CYP4X1: variants seen among roughly 807,000 people sequenced by gnomAD.
CYP4X1 encodes cytochrome P450 family 4 subfamily X member 1.
Under a neutral mutation model 57.9 loss-of-function variants are expected in CYP4X1, and 44 were observed. The ratio of observed to expected loss-of-function variants is 0.76; its 90% CI spans 0.60 to 0.98. The LOEUF (loss-of-function observed/expected upper bound fraction) is 0.98, where lower values mean the gene tolerates loss of function less well. Among genes scored for constraint, CYP4X1 ranks in the 50% least tolerant of loss-of-function variants. CYP4X1 has a pLI of 0.00. For missense variants in CYP4X1, 532 were observed against 623.9 expected (o/e 0.85, Z 1.57); for synonymous variants, 227 against 228.6 (o/e 0.99, Z 0.06).
At chr1:46,963,199 CTT>C in the CYP4X1 span, among the ~76,000 whole-genome samples, 2 of 152,152 alleles carry the variant, frequency 1.3e-5, no homozygotes, top group African/African-American at 4.8e-5. Context: ...GGTCTTGACT[CTT>C]TATCCAATTT....
rs2148509800 is a variant in CYP4X1 at position 47,036,091 on chromosome 1, A to G, written c.695A>G (p.Tyr232Cys). 1 of 1,613,836 alleles carries G rather than the reference A, an allele frequency of 6.2e-7. No homozygotes were observed. Among genetic ancestry groups the G allele is most frequent in the East Asian group, 2.2e-5 (1 of 44,870 alleles). ...IIFHRLYSLL[Y>C]HSDIIFKLSP... ...TTTCACCGCTTGTACAGTTTGTTGT[A>G]TCACAGTGACATAATTTTCAAACTC... The change falls in exon 6 of 12, where the codon TAT (tyrosine) becomes TGT (cysteine). Residue 232 changes from tyrosine to cysteine, a missense_variant. Transcript: ENST00000371901.
chr1:46,975,207 GTCA>G, the CYP4X1 span, among the ~76,000 whole-genome samples: 2 of 152,124 alleles, frequency 1.3e-5, no homozygotes, highest in Non-Finnish European at 2.9e-5. Flanking sequence ...CTTTGATCCT[GTCA>G]TCATGTTGTT....
chr1:47,025,317 G>A (rs1398079425), intron 1 of CYP4X1, among the ~76,000 whole-genome samples: 1 of 152,136 alleles, frequency 6.6e-6, no homozygotes, highest in African/African-American at 2.4e-5. Context: ...GAGATCCTCC[G>A]CAGATGCAGA....
the CYP4X1 span, among the ~76,000 whole-genome samples, chr1:47,005,731 A>G: frequency 1.3e-5 from 2 of 152,374 alleles, no homozygotes; most frequent in Admixed American, 6.5e-5. Flanking sequence ...TCGGTGGAAC[A>G]AAACCAGAAA....
At chr1:46,979,251 AG>A in the CYP4X1 span, among the ~76,000 whole-genome samples, 1 of 152,200 alleles carries the variant, frequency 6.6e-6, no homozygotes, top group Non-Finnish European at 1.5e-5. Context: ...AGAAGAAAAG[AG>A]AGAAGAATCA....
chr1:46,964,220 G>A, the CYP4X1 span, among the ~76,000 whole-genome samples: 89 of 151,502 alleles, frequency 5.9e-4, no homozygotes, highest in Non-Finnish European at 2.2e-4. Flanking sequence ...AAGTTTGATC[G>A]TCTGAAGCCT....
the CYP4X1 span, among the ~76,000 whole-genome samples, chr1:47,004,824 A>G: frequency 1.2e-4 from 19 of 152,328 alleles, no homozygotes; most frequent in East Asian, 3.7e-3. Flanking sequence ...GCAAATGTGC[A>G]CATGTTTCAG....
At chr1:47,036,288 T>A (rs1569631882) in intron 6 of CYP4X1, 117 bp downstream of exon 6, 1 of 1,272,156 alleles carries the variant, frequency 7.9e-7, no homozygotes, top group East Asian at 2.7e-5. Flanking sequence ...AATGGAGCTT[T>A]TATATAGACA....
the CYP4X1 span, among the ~76,000 whole-genome samples, chr1:47,018,212 C>T: frequency 6.6e-6 from 1 of 152,016 alleles, no homozygotes; most frequent in Admixed American, 6.6e-5. Flanking sequence ...TAACTGGTTA[C>T]AGGGAGAAGG....
At chr1:47,029,003 C>T (rs1450922329) in intron 1 of CYP4X1, among the ~76,000 whole-genome samples, 5 of 152,150 alleles carry the variant, frequency 3.3e-5, no homozygotes, top group Admixed American at 3.3e-4. Context: ...TTGAACTATC[C>T]AGAGAACACT....
At chr1:47,044,262 G>A (rs1644277139) in intron 8 of CYP4X1, among the ~76,000 whole-genome samples, 1 of 151,818 alleles carries the variant, frequency 6.6e-6, no homozygotes, top group African/African-American at 2.4e-5. Context: ...TCTACTATAG[G>A]TTTTTGCTTT....
the CYP4X1 span, among the ~76,000 whole-genome samples, chr1:46,999,415 T>A: frequency 1.3e-5 from 2 of 152,182 alleles, no homozygotes; most frequent in African/African-American, 4.8e-5. Flanking sequence ...TCAGTTGTAA[T>A]GTTACCTTTG....
upstream of CYP4X1, chr1:47,023,635 T>G (rs1484920438): frequency 3.0e-6 from 4 of 1,331,894 alleles, no homozygotes; most frequent in Non-Finnish European, 3.8e-6. Flanking sequence ...CACGCGCGCC[T>G]GCCTCCTCTC....
chr1:47,010,945 G>A, the CYP4X1 span, among the ~76,000 whole-genome samples: 1 of 152,158 alleles, frequency 6.6e-6, no homozygotes, highest in African/African-American at 2.4e-5. Context: ...ATGCTCACGG[G>A]TAGGAAGAAT....
At chr1:46,961,733 A>G in the CYP4X1 span, 1 of 1,310,364 alleles carries the variant, frequency 7.6e-7, no homozygotes, top group Non-Finnish European at 1.0e-6. Flanking sequence ...CCTAATATGT[A>G]TGACTTCTTC....
At chr1:46,969,040 T>A in the CYP4X1 span, among the ~76,000 whole-genome samples, 2 of 152,140 alleles carry the variant, frequency 1.3e-5, no homozygotes, top group African/African-American at 4.8e-5. Context: ...TGATTCCATT[T>A]TGGAGATGGG....
At chr1:47,012,326 T>A in the CYP4X1 span, among the ~76,000 whole-genome samples, 1 of 152,116 alleles carries the variant, frequency 6.6e-6, no homozygotes, top group Non-Finnish European at 1.5e-5. Context: ...CCAAACACTG[T>A]ATGTTCTCGC....
In CYP4X1 at chr1:47,033,043, A is replaced by G. The variant is rs527415874; in HGVS notation, c.365-198A>G. ...AACTGTTTCTCACAATATTAAATACATCCATCCCAGAGGTAAGCTTCTAAA... is the reference window on the plus strand; with the variant it reads ...AACTGTTTCTCACAATATTAAATACGTCCATCCCAGAGGTAAGCTTCTAAA... On this transcript the variant is annotated intron_variant, in intron 3 of 11. Coordinates refer to ENST00000371901, the MANE Select transcript of CYP4X1 (RefSeq NM_178033.2). Among the ~76,000 whole-genome samples, 180 of 152,300 alleles carry G rather than the reference A, an allele frequency of 1.2e-3. 1 individual carries two copies. The highest frequency in any genetic ancestry group is 4.0e-3 in the African/African-American group (165 of 41,562).
intron 9 of CYP4X1, among the ~76,000 whole-genome samples, chr1:47,048,089 AAAAG>A (rs1644321846): frequency 6.6e-6 from 1 of 151,916 alleles, no homozygotes; most frequent in African/African-American, 2.4e-5. Context: ...CAAAAAAAAA[AAAAG>A]AGAGAGATAG....
Sources: allele counts gnomAD v4.1 joint callset (sites outside exome capture counted in the v4.1 genomes callset), GRCh38; gene constraint gnomAD v4.1.1; transcripts MANE v1.5; gene names NCBI Gene and HGNC (gene_info 2026-07-23, HGNC 2026-07-21).